MARCHF4: variants seen among roughly 807,000 people sequenced by gnomAD.
MARCHF4 encodes membrane associated ring-CH-type finger 4.
Under a neutral mutation model 43.9 loss-of-function variants are expected in MARCHF4, and 14 were observed. That is an observed-to-expected ratio of 0.32 (90% CI 0.21 to 0.50). The LOEUF (loss-of-function observed/expected upper bound fraction) is 0.50, where lower values mean the gene tolerates loss of function less well. Among genes scored for constraint, MARCHF4 ranks in the 20% least tolerant of loss-of-function variants. MARCHF4 has a pLI of 0.98. For missense variants in MARCHF4, 468 were observed against 536.7 expected (o/e 0.87, Z 1.27); for synonymous variants, 226 against 213.3 (o/e 1.06, Z -0.52).
intron 1 of MARCHF4, among the ~76,000 whole-genome samples, chr2:216,325,366 ATAT>A (rs1691971515): frequency 6.6e-6 from 1 of 152,372 alleles, no homozygotes; most frequent in African/African-American, 2.4e-5. Context: ...GGAAGAATCA[ATAT>A]TGTGAAAATG....
At chr2:216,338,939 C>A (rs1377484925) in intron 1 of MARCHF4, among the ~76,000 whole-genome samples, 2 of 152,176 alleles carry the variant, frequency 1.3e-5, no homozygotes, top group Non-Finnish European at 2.9e-5. Context: ...AGCCAAGAAA[C>A]TTTCCCAAAA....
At position 216,285,472 on chromosome 2, in the gene MARCHF4, T is replaced by C. The variant is rs1471860056; in HGVS notation, c.517-1743A>G. 4.6e-5 allele frequency among the ~76,000 whole-genome samples: 7 copies of C among 152,336 alleles called. 1 individual carries two copies. The highest frequency in any genetic ancestry group is 3.4e-3 in the Middle Eastern group (1 of 294). On this transcript the variant is annotated intron_variant, in intron 1 of 3. Transcript: ENST00000273067. Reference sequence around the variant, plus strand: ...CACAGGGACAATATCTTATCCATCTTTGCAGCCCTAACATCTAGTAAAGGG... The same window carrying C: ...CACAGGGACAATATCTTATCCATCTCTGCAGCCCTAACATCTAGTAAAGGG...
At chr2:216,368,230 G>A (rs996122403) in intron 1 of MARCHF4, among the ~76,000 whole-genome samples, 17 of 152,204 alleles carry the variant, frequency 1.1e-4, no homozygotes, top group African/African-American at 3.9e-4. Flanking sequence ...ATGGTGGCAA[G>A]ATCCTGATAT....
chr2:216,280,900 AC>A (rs1467099799), intron 2 of MARCHF4, among the ~76,000 whole-genome samples: 5 of 151,902 alleles, frequency 3.3e-5, no homozygotes, highest in Non-Finnish European at 5.9e-5. Flanking sequence ...TTCACATGTA[AC>A]AAAGAGACAG....
chr2:216,320,658 TCTTTCTTTC>T, intron 1 of MARCHF4, among the ~76,000 whole-genome samples: 1 of 122,952 alleles, frequency 8.1e-6, no homozygotes, highest in African/African-American at 3.8e-5. Context: ...TTTCTTTCTT[TCTTTCTTTC>T]TTTCTTTCTT....
At chr2:216,329,231 A>G (rs143885999) in intron 1 of MARCHF4, among the ~76,000 whole-genome samples, 3,193 of 152,188 alleles carry the variant, frequency 0.021, 90 homozygotes, top group African/African-American at 0.069. Context: ...ATACAAAGAA[A>G]TTAGCCAGGC....
chr2:216,272,641 A>G (rs1690958480), intron 3 of MARCHF4, among the ~76,000 whole-genome samples: 1 of 152,322 alleles, frequency 6.6e-6, no homozygotes, highest in South Asian at 2.1e-4. Context: ...TCATCTGTTA[A>G]ATATGCATCC....
chr2:216,293,175 G>A (rs72942688), intron 1 of MARCHF4, among the ~76,000 whole-genome samples: 5,388 of 152,154 alleles, frequency 0.035, 148 homozygotes, highest in Middle Eastern at 0.11. Context: ...GCTGGAGTCC[G>A]TCCCAGCCAA....
chr2:216,312,377 G>GTTCTATGAC (rs1350285027), intron 1 of MARCHF4, among the ~76,000 whole-genome samples: 2 of 152,160 alleles, frequency 1.3e-5, no homozygotes, highest in East Asian at 3.8e-4. Context: ...ACTTAGGTTG[G>GTTCTATGAC]TTCTATGACT....
chr2:216,259,727 G>A (rs1259756553), intron 3 of MARCHF4, 48 bp from the exon 4 acceptor site: 2 of 1,572,368 alleles, frequency 1.3e-6, no homozygotes, highest in Non-Finnish European at 1.7e-6. Context: ...AGAGGAAGTG[G>A]GTCACGGCCA....
intron 1 of MARCHF4, among the ~76,000 whole-genome samples, chr2:216,309,430 T>G (rs1404055208): frequency 3.9e-5 from 6 of 152,194 alleles, no homozygotes; most frequent in African/African-American, 9.6e-5. Context: ...CACTTTCCTT[T>G]GCTTATCCTG....
chr2:216,269,179 A>C (rs1265811761), intron 3 of MARCHF4, among the ~76,000 whole-genome samples: 2 of 152,196 alleles, frequency 1.3e-5, no homozygotes, highest in African/African-American at 4.8e-5. Context: ...TGAAGAAGAG[A>C]GCCTCATTTT....
intron 1 of MARCHF4, among the ~76,000 whole-genome samples, chr2:216,285,584 A>G: frequency 6.6e-6 from 1 of 152,202 alleles, no homozygotes; most frequent in Admixed American, 6.5e-5. Context: ...CTTCTCTAGG[A>G]CATGGCCAGC....
At chr2:216,326,329 G>A (rs1419530317) in intron 1 of MARCHF4, among the ~76,000 whole-genome samples, 2 of 150,272 alleles carry the variant, frequency 1.3e-5, no homozygotes, top group Non-Finnish European at 3.0e-5. Flanking sequence ...TGGAGAGGAT[G>A]TGGAGAAATA....
chr2:216,297,906 G>A (rs1290863462), intron 1 of MARCHF4, among the ~76,000 whole-genome samples: 1 of 152,212 alleles, frequency 6.6e-6, no homozygotes, highest in African/African-American at 2.4e-5. Flanking sequence ...AGTCACAAAC[G>A]AGGACACACT....
chr2:216,337,545 T>C (rs1215615817), intron 1 of MARCHF4, among the ~76,000 whole-genome samples: 1 of 152,208 alleles, frequency 6.6e-6, no homozygotes, highest in African/African-American at 2.4e-5. Flanking sequence ...TTCTAAAATT[T>C]CCACACTGAA....
At chr2:216,352,005 A>G (rs1221573752) in intron 1 of MARCHF4, among the ~76,000 whole-genome samples, 3 of 152,188 alleles carry the variant, frequency 2.0e-5, no homozygotes, top group Non-Finnish European at 4.4e-5. Flanking sequence ...TGAGAAAACT[A>G]TGGGGTATGT....
intron 3 of MARCHF4, among the ~76,000 whole-genome samples, chr2:216,269,266 T>A (rs1690895902): frequency 6.6e-6 from 1 of 152,180 alleles, no homozygotes; most frequent in Non-Finnish European, 1.5e-5. Context: ...CCAAAGCCCT[T>A]AATTAATTTG....
chr2:216,347,087 C>T (rs1264986055), intron 1 of MARCHF4, among the ~76,000 whole-genome samples: 2 of 152,206 alleles, frequency 1.3e-5, no homozygotes, highest in African/African-American at 4.8e-5. Context: ...TTCCTGAGGC[C>T]TCCTCAGCCA....
Sources: allele counts gnomAD v4.1 joint callset (sites outside exome capture counted in the v4.1 genomes callset), GRCh38; gene constraint gnomAD v4.1.1; transcripts MANE v1.5; gene names NCBI Gene and HGNC (gene_info 2026-07-23, HGNC 2026-07-21).